Variants in PTPRD observed in about 807,000 individuals in gnomAD.
The protein encoded by PTPRD is receptor-type tyrosine-protein phosphatase delta.
PTPRD carries 34 observed loss-of-function variants against 214.5 expected under a neutral mutation model. That is an observed-to-expected ratio of 0.16 (90% CI 0.12 to 0.21). The LOEUF is 0.21. Ranked by LOEUF, PTPRD falls within the 10% of genes least tolerant of loss-of-function variation. PTPRD has a pLI of 1.00. For synonymous variants in PTPRD, 1,128 were observed against 845.7 expected, an observed-to-expected ratio of 1.33 and a Z score of -5.79; for missense variants, 2,545 against 2,398.7, an observed-to-expected ratio of 1.06 and a Z score of -1.27.
intron 3 of PTPRD, among the ~76,000 whole-genome samples, chr9:10,299,212 A>T (rs1282933099): frequency 6.6e-6 from 1 of 152,168 alleles, no homozygotes; most frequent in Non-Finnish European, 1.5e-5. Flanking sequence ...ATTGGGTAGA[A>T]CTACTATTAT....
At chr9:9,094,904 A>T (rs2099781315) in intron 10 of PTPRD, among the ~76,000 whole-genome samples, 1 of 152,174 alleles carries the variant, frequency 6.6e-6, no homozygotes, top group African/African-American at 2.4e-5. Context: ...GTCCTTCATG[A>T]TCATAGATGC....
chr9:9,079,155 C>T (rs75376433), intron 10 of PTPRD, among the ~76,000 whole-genome samples: 5 of 152,060 alleles, frequency 3.3e-5, no homozygotes, highest in Non-Finnish European at 2.9e-5. Context: ...CTTATTCTTG[C>T]TATCTAGATG....
chr9:8,486,621 G>C (rs149923623), intron 27 of PTPRD, among the ~76,000 whole-genome samples: 53 of 152,216 alleles, frequency 3.5e-4, no homozygotes, highest in African/African-American at 1.2e-3. Flanking sequence ...TTTGACACCT[G>C]CACGTTTTAA....
chr9:10,601,753 A>G (rs1168305865), intron 2 of PTPRD, among the ~76,000 whole-genome samples: 2 of 151,640 alleles, frequency 1.3e-5, no homozygotes, highest in Non-Finnish European at 3.0e-5. Context: ...GAAGGCAAAA[A>G]CTCTAGCTCA....
intron 5 of PTPRD, among the ~76,000 whole-genome samples, chr9:9,849,929 G>C (rs1332614291): frequency 6.6e-6 from 1 of 152,122 alleles, no homozygotes; most frequent in Non-Finnish European, 1.5e-5. Context: ...AATAAGATCT[G>C]TTAACTCAGC....
At chr9:9,353,805 T>C (rs2052494645) in intron 9 of PTPRD, among the ~76,000 whole-genome samples, 3 of 151,884 alleles carry the variant, frequency 2.0e-5, no homozygotes, top group Admixed American at 1.3e-4. Flanking sequence ...CAACACCCTT[T>C]TATTAGTTCA....
intron 11 of PTPRD, among the ~76,000 whole-genome samples, chr9:8,788,464 G>A (rs888537517): frequency 1.3e-5 from 2 of 151,578 alleles, no homozygotes; most frequent in African/African-American, 2.4e-5. Context: ...TAGTAGAGAC[G>A]GGGTTTCTCC....
At chr9:8,849,171 ATTT>A (rs746565485) in intron 11 of PTPRD, among the ~76,000 whole-genome samples, 206 of 108,734 alleles carry the variant, frequency 1.9e-3, no homozygotes, top group Non-Finnish European at 2.9e-3. Flanking sequence ...TCAAAAAAAA[ATTT>A]TTTTTTTTTT....
At chr9:9,819,274 GATTTATTACAGGTCTCTATAACT>G (rs1489834869) in intron 5 of PTPRD, among the ~76,000 whole-genome samples, 1 of 151,984 alleles carries the variant, frequency 6.6e-6, no homozygotes, top group Non-Finnish European at 1.5e-5. Context: ...TCTCTATAAC[GATTTATTACAGGTCTCTATAACT>G]ATTTATTTTT....
chr9:8,826,538 T>A (rs1251004637), intron 11 of PTPRD, among the ~76,000 whole-genome samples: 1 of 152,156 alleles, frequency 6.6e-6, no homozygotes. Flanking sequence ...TCATACGTGC[T>A]GATACCAGCT....
chr9:8,321,599 A>G (rs1828265857), intron 44 of PTPRD, among the ~76,000 whole-genome samples: 1 of 149,270 alleles, frequency 6.7e-6, no homozygotes, highest in African/African-American at 2.5e-5. Context: ...GACAAAAACA[A>G]TGAGAACAGG....
chr9:8,824,019 C>T (rs1031953566), intron 11 of PTPRD, among the ~76,000 whole-genome samples: 1 of 152,132 alleles, frequency 6.6e-6, no homozygotes, highest in African/African-American at 2.4e-5. Context: ...TGTAAACTGT[C>T]ATGGTGCTGG....
At chr9:9,509,793 C>T (rs1335757599) in intron 8 of PTPRD, among the ~76,000 whole-genome samples, 1 of 85,488 alleles carries the variant, frequency 1.2e-5, no homozygotes, top group Non-Finnish European at 2.3e-5. Flanking sequence ...ATTGAAACTA[C>T]CTTTTTATTT....
intron 11 of PTPRD, among the ~76,000 whole-genome samples, chr9:8,784,165 C>G (rs1199586996): frequency 6.6e-6 from 1 of 152,128 alleles, no homozygotes; most frequent in African/African-American, 2.4e-5. Flanking sequence ...AAAATTCTGA[C>G]AAGTGGACTC....
rs551257659 is a variant in PTPRD, at chr9:9,987,559, G to A, written c.-472+46159C>T. Among the ~76,000 whole-genome samples the A allele has an allele frequency of 1.7e-4, 26 of 152,130 alleles. No homozygotes were observed. The South Asian group carries it at 2.9e-3, about 17-fold the overall frequency. On this transcript the variant is annotated intron_variant, in intron 4 of 45. Transcript: ENST00000381196. ...GAACAGCACGGGAAAGACCTGCCCC[G>A]ACAACATGTGGGAATTATGGGAGCT... is the stretch of plus-strand genomic sequence containing the variant.
At chr9:10,282,629 A>G (rs1168538513) in intron 3 of PTPRD, among the ~76,000 whole-genome samples, 1 of 152,182 alleles carries the variant, frequency 6.6e-6, no homozygotes, top group Non-Finnish European at 1.5e-5. Context: ...CTGGCTGTAC[A>G]TTAGAATCAA....
At chr9:8,903,638 C>T (rs752841659) in intron 11 of PTPRD, among the ~76,000 whole-genome samples, 5 of 151,928 alleles carry the variant, frequency 3.3e-5, no homozygotes, top group East Asian at 1.9e-4. Context: ...AAAATAAAAA[C>T]GAATAAAAAT....
chr9:9,930,100 G>T (rs1314009516), intron 5 of PTPRD, among the ~76,000 whole-genome samples: 1 of 152,188 alleles, frequency 6.6e-6, no homozygotes, highest in East Asian at 1.9e-4. Context: ...CACTACTTAG[G>T]GCTGGGAGCT....
intron 5 of PTPRD, among the ~76,000 whole-genome samples, chr9:9,849,570 C>T (rs1220445286): frequency 1.3e-5 from 2 of 151,966 alleles, no homozygotes; most frequent in Non-Finnish European, 2.9e-5. Flanking sequence ...GAAAGAATTT[C>T]CAGGATTAAC....
Sources: gnomAD v4.1 joint callset for allele counts (sites outside exome capture counted in the v4.1 genomes callset) on GRCh38, gnomAD v4.1.1 for gene constraint, MANE v1.5 for transcripts, NCBI Gene and HGNC (gene_info 2026-07-23, HGNC 2026-07-21) for gene names.